AADACL3: variants seen among roughly 807,000 people sequenced by gnomAD.
AADACL3 encodes arylacetamide deacetylase like 3.
In AADACL3, 13 loss-of-function variants were observed where a neutral mutation model predicts 13.6. The ratio of observed to expected loss-of-function variants is 0.95; its 90% CI spans 0.62 to 1.52. The LOEUF (loss-of-function observed/expected upper bound fraction) is 1.52. Among genes scored for constraint, AADACL3 ranks in the 40% most tolerant of loss-of-function variants. The pLI, the probability that AADACL3 is intolerant of heterozygous loss-of-function variation, is 0.00. For synonymous variants in AADACL3, 195 were observed against 197.0 expected (o/e 0.99, Z 0.08); for missense variants, 519 against 499.2 (o/e 1.04, Z -0.38).
Position 12,725,981 on chromosome 1 carries a change from T to A in AADACL3, c.1209T>A (p.Phe403Leu). 6.2e-7 allele frequency: 1 copy of A among 1,612,092 alleles called. No individual in the cohort carries two copies. The highest frequency in any genetic ancestry group is 8.5e-7 in the Non-Finnish European group (1 of 1,178,928). Residue 403 changes from phenylalanine (F) to leucine (L), a missense_variant, in exon 4 of 4, where the codon TTT (phenylalanine) becomes TTA (leucine). Coordinates refer to ENST00000359318, the MANE Select transcript of AADACL3 (RefSeq NM_001103170.3). ...GAATTCTGAGTGCATTAGTTCAATT[T>A]GTAAAGGGACTGTGACCATCTTTCT... is the stretch of plus-strand genomic sequence containing the variant. ...SMRILSALVQ[F>L]VKGL
intron 2 of AADACL3, among the ~76,000 whole-genome samples, chr1:12,720,630 C>T (rs573794292): frequency 2.6e-5 from 4 of 152,242 alleles, no homozygotes; most frequent in East Asian, 3.9e-4. Context: ...TAAACCTCTG[C>T]GTTCTACAGT....
At position 12,728,339 on chromosome 1, in the gene AADACL3, A is replaced by T. The variant is rs1234750997; in HGVS notation, c.*2343A>T. 6.6e-6 allele frequency: 1 copy of T among 152,232 alleles called. No homozygotes were observed. Among genetic ancestry groups the T allele is most frequent in the Non-Finnish European group, 1.5e-5 (1 of 68,034 alleles). The allele number at this position is 152,232 out of a possible 1,614,324, so 9.4% of individuals were successfully genotyped here. The stretch of plus-strand genomic sequence containing the variant: ...AGTTCCAGACCACAGCAATAAAGCA[A>T]GTCACATGAATTTTTTGCTTTCCTT... On this transcript the variant is annotated 3_prime_UTR_variant, in exon 4 of 4. Transcript: ENST00000359318.
chr1:12,723,170 C>T (rs928793903), intron 3 of AADACL3, among the ~76,000 whole-genome samples: 3 of 151,600 alleles, frequency 2.0e-5, no homozygotes, highest in Non-Finnish European at 2.9e-5. Flanking sequence ...CTATGCCTGC[C>T]CTAACCTTCT....
rs1648525329 is a variant in AADACL3, at chr1:12,719,669, C to CG, written c.368dup (p.Val124ArgfsTer20). 2 of 1,613,990 alleles carry CG rather than the reference C, an allele frequency of 1.2e-6. No homozygotes were observed. Among genetic ancestry groups the CG allele is most frequent in the African/African-American group, 2.7e-5 (2 of 75,020 alleles). ...CTGGCATCGTGTACTACCACGGTGG[C>CG]GGGGGCGTCATGGGGAGTTTGAGTA... On this transcript the variant is annotated frameshift_variant, in exon 2 of 4. Transcript: ENST00000359318. LOFTEE classifies it high-confidence loss of function.
chr1:12,716,243 G>T lies in AADACL3; in HGVS notation c.67G>T (p.Val23Phe). 6.6e-7 allele frequency: 1 copy of T among 1,504,944 alleles called. No individual in the cohort carries two copies. The highest frequency in any genetic ancestry group is 9.3e-7 in the Non-Finnish European group (1 of 1,081,032). The allele number at this position is 1,504,944 out of a possible 1,614,324, so 93.2% of individuals were successfully genotyped here. The part of the protein sequence containing the change: ...CVFSLGVTLW[V>F]ICSHFFTVHI... ...GTTCTCACTAGGGGTCACTCTGTGG[G>T]TCATTTGCAGCCATTTTTTCACTGT... Residue 23 changes from valine to phenylalanine, a missense_variant, in exon 1 of 4, where the codon GTC becomes TTC. Coordinates refer to ENST00000359318, the MANE Select transcript of AADACL3 (RefSeq NM_001103170.3).
At chr1:12,717,038 T>C (rs1648452414) in intron 1 of AADACL3, among the ~76,000 whole-genome samples, 1 of 152,244 alleles carries the variant, frequency 6.6e-6, no homozygotes. Context: ...GTGTAGGTGT[T>C]GCCAATACGG....
chr1:12,727,851 G>A lies in AADACL3; in HGVS notation c.*1855G>A, dbSNP rs1212464892. 6.6e-6 allele frequency: 1 copy of A among 152,246 alleles called. No individual in the cohort carries two copies. The highest frequency in any genetic ancestry group is 1.5e-5 in the Non-Finnish European group (1 of 68,058). 9.4% of individuals were successfully genotyped at this position (152,246 alleles called of 1,614,324 possible). A position where few individuals can be genotyped will look rare whatever the true frequency, so the allele number is the denominator to read the frequency against. On this transcript the variant is annotated 3_prime_UTR_variant, in exon 4 of 4. Transcript: ENST00000359318. ...CTGGGAGAGGCTCCCTCCTTGGAGT[G>A]TTGCTTTTTTTGTTTCACCCCTGCC...
At chr1:12,719,214 T>A (rs1487198897) in intron 1 of AADACL3, among the ~76,000 whole-genome samples, 1 of 152,056 alleles carries the variant, frequency 6.6e-6, no homozygotes, top group East Asian at 1.9e-4. Context: ...AAGCCTGGCT[T>A]GTAGTGGCTG....
chr1:12,720,378 T>C lies in AADACL3; in HGVS notation c.386-505T>C, dbSNP rs3010879. ...GTATGAGAATGATAGTAACAGCCAA[T>C]ATTTATTAAGCAATATTCATTAATA... On this transcript the variant is annotated intron_variant, in intron 2 of 3. Transcript: ENST00000359318. Among the ~76,000 whole-genome samples the C allele has an allele frequency of 7.5e-3, 1,145 of 152,304 alleles. 10 individuals are homozygous for C. The highest frequency in any genetic ancestry group is 0.026 in the African/African-American group (1,100 of 41,558).
chr1:12,718,280 T>C (rs1418948970), intron 1 of AADACL3, among the ~76,000 whole-genome samples: 4 of 148,676 alleles, frequency 2.7e-5, no homozygotes, highest in East Asian at 2.0e-4. Context: ...CCCAGCACTT[T>C]GGGAGGCTGA....
At chr1:12,716,965 C>T (rs1648450185) in intron 1 of AADACL3, among the ~76,000 whole-genome samples, 1 of 152,096 alleles carries the variant, frequency 6.6e-6, no homozygotes, top group Non-Finnish European at 1.5e-5. Context: ...TAGAAAGCTG[C>T]CTAGGGAATA....
At chr1:12,722,961 G>A (rs1638298152) in intron 3 of AADACL3, among the ~76,000 whole-genome samples, 1 of 151,736 alleles carries the variant, frequency 6.6e-6, no homozygotes, top group African/African-American at 2.4e-5. Context: ...AAGCTCTGAT[G>A]GTATAATTCT....
At chr1:12,722,355 A>G (rs1638276222) in intron 3 of AADACL3, among the ~76,000 whole-genome samples, 1 of 151,336 alleles carries the variant, frequency 6.6e-6, no homozygotes, top group Non-Finnish European at 1.5e-5. Context: ...AAAAATGGAA[A>G]AGAAAATGAA....
chr1:12,719,956 T>C (rs1186322755), intron 2 of AADACL3, among the ~76,000 whole-genome samples: 1 of 152,208 alleles, frequency 6.6e-6, no homozygotes, highest in Admixed American at 6.5e-5. Context: ...GATCCTGAAA[T>C]GTACCCTTAC....
chr1:12,720,846 C>A (rs1411144513), intron 2 of AADACL3, 37 bp from the exon 3 acceptor site: 24 of 1,579,798 alleles, frequency 1.5e-5, no homozygotes, highest in Non-Finnish European at 2.1e-5. Flanking sequence ...GCAAAGGAAG[C>A]CTTCCTAGTG....
In AADACL3 at chr1:12,725,221, G is replaced by A. The variant is rs1385034877; in HGVS notation, c.450-1G>A. ...AACTGTGTTTCTTGATTCCTTTTTA[G>A]TTACCGCAAGTTACCTAAGCATAAG... On this transcript the variant is annotated splice_acceptor_variant, in intron 3 of 3. Coordinates refer to ENST00000359318, the MANE Select transcript of AADACL3 (RefSeq NM_001103170.3). LOFTEE classifies it high-confidence loss of function. 1.9e-6 allele frequency: 3 copies of A among 1,589,666 alleles called. No homozygotes were observed. Among genetic ancestry groups the A allele is most frequent in the Middle Eastern group, 3.4e-4 (2 of 5,904 alleles).
chr1:12,717,911 A>G (rs951588455), intron 1 of AADACL3, among the ~76,000 whole-genome samples: 1 of 152,318 alleles, frequency 6.6e-6, no homozygotes, highest in African/African-American at 2.4e-5. Context: ...AAATTACCCC[A>G]TGTTCACAAC....
chr1:12,725,216 T>G lies in AADACL3; in HGVS notation c.450-6T>G. 6.3e-7 allele frequency: 1 copy of G among 1,588,760 alleles called. No individual in the cohort carries two copies. Among genetic ancestry groups the G allele is most frequent in the Non-Finnish European group, 8.6e-7 (1 of 1,168,520 alleles). On this transcript the variant is annotated splice_polypyrimidine_tract_variant and splice_region_variant and intron_variant, in intron 3 of 3. Transcript: ENST00000359318. ...TTATCAACTGTGTTTCTTGATTCCTTTTTAGTTACCGCAAGTTACCTAAGC... is the reference window on the plus strand; with the variant it reads ...TTATCAACTGTGTTTCTTGATTCCTGTTTAGTTACCGCAAGTTACCTAAGC...
Position 12,725,412 on chromosome 1 carries a change from C to G in AADACL3, c.640C>G (p.Arg214Gly). 6.2e-7 allele frequency: 1 copy of G among 1,613,988 alleles called. No homozygotes were observed. The highest frequency in any genetic ancestry group is 1.3e-5 in the African/African-American group (1 of 75,010). ...QQLVDRPDLP[R>G]IRAQILIYAI... ...ACTTGTGGACAGGCCAGATCTGCCC[C>G]GGATCCGGGCTCAGATCCTGATCTA... The change falls in exon 4 of 4, where the codon CGG (arginine) becomes GGG (glycine). Residue 214 changes from arginine (R) to glycine (G), a missense_variant. By Grantham distance (125) the Arg-to-Gly change is moderately radical. Coordinates refer to ENST00000359318, the MANE Select transcript of AADACL3 (RefSeq NM_001103170.3).
Sources: gnomAD v4.1 joint callset for allele counts (sites outside exome capture counted in the v4.1 genomes callset) on GRCh38, gnomAD v4.1.1 for gene constraint, MANE v1.5 for transcripts, NCBI Gene and HGNC (gene_info 2026-07-23, HGNC 2026-07-21) for gene names.